Variants in TNS1 observed in about 807,000 individuals in gnomAD.
The protein encoded by TNS1 is tensin-1.
In TNS1, 62 loss-of-function variants were observed where a neutral mutation model predicts 168.6. The ratio of observed to expected loss-of-function variants is 0.37; its 90% CI spans 0.30 to 0.45. TNS1 has a LOEUF of 0.45. Ranked by LOEUF, TNS1 falls within the 20% of genes least tolerant of loss-of-function variation. The pLI is 1.00. For missense variants in TNS1, 2,240 were observed against 2,339.4 expected, an observed-to-expected ratio of 0.96 and a Z score of 0.88; for synonymous variants, 934 against 933.2, an observed-to-expected ratio of 1.00 and a Z score of -0.02.
At chr2:217,958,659 C>T (rs373984933) in intron 3 of TNS1, among the ~76,000 whole-genome samples, 25 of 152,344 alleles carry the variant, frequency 1.6e-4, no homozygotes, top group African/African-American at 3.1e-4. Context: ...ACCTTCTCAA[C>T]GCCCCAAGAC....
intron 18 of TNS1, among the ~76,000 whole-genome samples, chr2:217,850,832 G>T (rs1417423807): frequency 5.3e-5 from 8 of 152,122 alleles, no homozygotes; most frequent in African/African-American, 1.2e-4. Context: ...CAGTCAGACA[G>T]CACCGGCATG....
rs1283306226 is a variant in TNS1 at position 217,848,598 on chromosome 2, C to T, written c.1919G>A (p.Ser640Asn). 6.2e-7 allele frequency: 1 copy of T among 1,614,078 alleles called. No homozygotes were observed. Among genetic ancestry groups the T allele is most frequent in the African/African-American group, 1.3e-5 (1 of 74,932 alleles). Reference sequence around the variant, plus strand: ...GTCCAGAGAAGAGAGTGTGCCCATGCTGCCCGCACTGTGACCATCCTGGTT... The same window carrying T: ...GTCCAGAGAAGAGAGTGTGCCCATGTTGCCCGCACTGTGACCATCCTGGTT... The part of the protein sequence containing the change: ...LPNQDGHSAG[S>N]MGTLSSLDGV... The change falls in exon 19 of 33, where the codon AGC (serine) becomes AAC (asparagine). Residue 640 changes from serine (S) to asparagine (N), a missense_variant. Physicochemically the swap from Ser to Asn is conservative, Grantham distance 46. Transcript: ENST00000682258.
At chr2:217,962,088 T>G (rs1407794842) in intron 3 of TNS1, among the ~76,000 whole-genome samples, 1 of 152,224 alleles carries the variant, frequency 6.6e-6, no homozygotes, top group East Asian at 1.9e-4. Flanking sequence ...TTACAATAAA[T>G]TTCTTAATAT....
chr2:217,886,505 G>A, intron 13 of TNS1, 29 bp downstream of exon 13: 1 of 1,525,688 alleles, frequency 6.6e-7, no homozygotes, highest in Middle Eastern at 1.9e-4. Context: ...GTTGGCAAGG[G>A]TGGAGGTCAG....
At chr2:217,942,645 C>T (rs1956971492) in intron 3 of TNS1, among the ~76,000 whole-genome samples, 1 of 152,132 alleles carries the variant, frequency 6.6e-6, no homozygotes, top group South Asian at 2.1e-4. Flanking sequence ...GAGGGTGCTC[C>T]CCCTACACCT....
chr2:217,968,252 T>C (rs1957695392), intron 3 of TNS1, among the ~76,000 whole-genome samples: 1 of 152,230 alleles, frequency 6.6e-6, no homozygotes, highest in African/African-American at 2.4e-5. Context: ...CAATTTCTGC[T>C]CTTGCCACAT....
chr2:217,911,658 C>G (rs1954422420), intron 4 of TNS1, among the ~76,000 whole-genome samples: 1 of 152,182 alleles, frequency 6.6e-6, no homozygotes, highest in Non-Finnish European at 1.5e-5. Context: ...CCGCAGGGTA[C>G]AGTTTAGGAA....
intron 3 of TNS1, among the ~76,000 whole-genome samples, chr2:217,957,930 G>A (rs1296223602): frequency 6.6e-6 from 1 of 151,010 alleles, no homozygotes; most frequent in Non-Finnish European, 1.5e-5. Context: ...GAAGCCGGGG[G>A]TAGGTACAAA....
In TNS1 at chr2:217,951,987, T is replaced by C. The variant is rs561882221; in HGVS notation, c.186+26778A>G. 2.6e-5 allele frequency among the ~76,000 whole-genome samples: 4 copies of C among 152,332 alleles called. No homozygotes were observed. The South Asian group carries it at 8.3e-4, about 32-fold the overall frequency. ...TAAGTGCCCGCAGTGGCCCAGGCCC[T>C]GTGAGGCCCTCCAGGCAGAACATGA... is the stretch of plus-strand genomic sequence containing the variant. On this transcript the variant is annotated intron_variant, in intron 3 of 32. Transcript: ENST00000682258.
intron 1 of TNS1, among the ~76,000 whole-genome samples, chr2:217,994,897 G>A (rs1441940453): frequency 6.6e-6 from 1 of 152,258 alleles, no homozygotes; most frequent in African/African-American, 2.4e-5. Flanking sequence ...TGAGGGAGGA[G>A]TCTGGAGAAC....
At chr2:217,921,270 G>T (rs114315043) in intron 3 of TNS1, among the ~76,000 whole-genome samples, 187 of 152,258 alleles carry the variant, frequency 1.2e-3, no homozygotes, top group African/African-American at 4.4e-3. Flanking sequence ...GGCACAGAGT[G>T]GGAGACTGTC....
chr2:217,939,477 G>C (rs1345413379), intron 3 of TNS1, among the ~76,000 whole-genome samples: 1 of 152,252 alleles, frequency 6.6e-6, no homozygotes, highest in Non-Finnish European at 1.5e-5. Context: ...CCATCCAGAA[G>C]ACAGGTGAGC....
chr2:218,008,131 C>G (rs544578274), intron 1 of TNS1, among the ~76,000 whole-genome samples: 1 of 152,180 alleles, frequency 6.6e-6, no homozygotes, highest in East Asian at 1.9e-4. Context: ...CTTCCCCTAC[C>G]GCCCCTTCCC....
At chr2:217,830,123 A>G (rs1277651532) in intron 22 of TNS1, 6 of 513,688 alleles carry the variant, frequency 1.2e-5, no homozygotes, top group Non-Finnish European at 1.5e-5. Flanking sequence ...AAAGGACCCC[A>G]AGGCTCCGAG....
At chr2:217,845,891 C>T (rs1373166921) in intron 19 of TNS1, among the ~76,000 whole-genome samples, 2 of 152,130 alleles carry the variant, frequency 1.3e-5, no homozygotes, top group East Asian at 1.9e-4. Flanking sequence ...CTGGATCCTG[C>T]CCCTCATTAG....
intron 1 of TNS1, among the ~76,000 whole-genome samples, chr2:218,016,696 G>A (rs1396334172): frequency 6.6e-6 from 1 of 152,218 alleles, no homozygotes; most frequent in Non-Finnish European, 1.5e-5. Flanking sequence ...AGGACAGGAG[G>A]AAGGGAATGG....
intron 1 of TNS1, among the ~76,000 whole-genome samples, chr2:218,016,974 C>G (rs1037700508): frequency 6.6e-6 from 1 of 152,120 alleles, no homozygotes; most frequent in Non-Finnish European, 1.5e-5. Context: ...GAGGAGAGAA[C>G]GCAGCTGGCC....
At chr2:217,931,494 A>T (rs552334546) in intron 3 of TNS1, among the ~76,000 whole-genome samples, 1 of 152,286 alleles carries the variant, frequency 6.6e-6, no homozygotes, top group South Asian at 2.1e-4. Context: ...CCAGGCCCAA[A>T]ATAGAGAATT....
intron 2 of TNS1, among the ~76,000 whole-genome samples, chr2:217,984,661 T>G (rs1958145810): frequency 6.6e-6 from 1 of 151,426 alleles, no homozygotes; most frequent in Non-Finnish European, 1.5e-5. Context: ...GCTATTTTAT[T>G]TTTTTATTTT....
Sources: gnomAD v4.1 joint callset for allele counts (sites outside exome capture counted in the v4.1 genomes callset) on GRCh38, gnomAD v4.1.1 for gene constraint, MANE v1.5 for transcripts, NCBI Gene and HGNC (gene_info 2026-07-23, HGNC 2026-07-21) for gene names.